TMEFF2: variants seen among roughly 807,000 people sequenced by gnomAD.
The protein encoded by TMEFF2 is tomoregulin-2.
In TMEFF2, 28 loss-of-function variants were observed where a neutral mutation model predicts 53.8. That is an observed-to-expected ratio of 0.52 (90% CI 0.39 to 0.71). The LOEUF (loss-of-function observed/expected upper bound fraction) is 0.71. Ranked by LOEUF, TMEFF2 falls within the 30% of genes least tolerant of loss-of-function variation. The pLI is 0.00. For missense variants in TMEFF2, 353 were observed against 455.2 expected (o/e 0.78, Z 2.04); for synonymous variants, 162 against 166.3 (o/e 0.97, Z 0.20).
At chr2:192,180,921 T>C (rs779691891) in intron 3 of TMEFF2, among the ~76,000 whole-genome samples, 4 of 151,810 alleles carry the variant, frequency 2.6e-5, no homozygotes, top group Admixed American at 6.6e-5. Flanking sequence ...AATACTATTA[T>C]ATTAGAATGT....
chr2:192,165,221 C>A (rs1341947249), intron 4 of TMEFF2, among the ~76,000 whole-genome samples: 1 of 152,054 alleles, frequency 6.6e-6, no homozygotes, highest in Non-Finnish European at 1.5e-5. Context: ...TAACAGACTA[C>A]ACATAAAGAC....
intron 8 of TMEFF2, among the ~76,000 whole-genome samples, chr2:191,954,194 A>G (rs983127866): frequency 3.9e-5 from 6 of 152,014 alleles, no homozygotes; most frequent in African/African-American, 1.4e-4. Flanking sequence ...GCCTGCATTC[A>G]TTTTTATAGT....
At chr2:192,007,952 T>C (rs1487275002) in intron 5 of TMEFF2, among the ~76,000 whole-genome samples, 1 of 152,190 alleles carries the variant, frequency 6.6e-6, no homozygotes, top group Non-Finnish European at 1.5e-5. Context: ...TCTTTCCTGC[T>C]TTTTTCCTGA....
intron 4 of TMEFF2, among the ~76,000 whole-genome samples, chr2:192,078,500 A>T (rs1688483569): frequency 6.6e-6 from 1 of 152,148 alleles, no homozygotes; most frequent in South Asian, 2.1e-4. Context: ...AGCAATAGAG[A>T]GTAAGAATTT....
intron 7 of TMEFF2, among the ~76,000 whole-genome samples, chr2:191,977,194 C>CA (rs1244895834): frequency 1.3e-5 from 2 of 152,284 alleles, no homozygotes; most frequent in East Asian, 3.9e-4. Flanking sequence ...CCAATAGACA[C>CA]AAAAAACTTA....
intron 7 of TMEFF2, among the ~76,000 whole-genome samples, chr2:191,982,070 G>A (rs1041147177): frequency 1.1e-4 from 16 of 152,078 alleles, no homozygotes; most frequent in South Asian, 4.1e-4. Context: ...GGCCAGCAAC[G>A]TTGACTACAG....
chr2:191,999,047 G>T lies in TMEFF2; in HGVS notation c.685+13C>A. Reference sequence around the variant, plus strand: ...AAATCATTCTTTGAAATGAATTTTGGTATGAACATTACCTTGACATCGACC... The same window carrying T: ...AAATCATTCTTTGAAATGAATTTTGTTATGAACATTACCTTGACATCGACC... On this transcript the variant is annotated intron_variant, in intron 6 of 9. Transcript: ENST00000272771. 6.3e-7 allele frequency: 1 copy of T among 1,582,884 alleles called. No individual in the cohort carries two copies.
At chr2:192,102,197 A>G (rs1559126960) in intron 4 of TMEFF2, among the ~76,000 whole-genome samples, 1 of 152,182 alleles carries the variant, frequency 6.6e-6, no homozygotes, top group South Asian at 2.1e-4. Context: ...TAAAAAAGAA[A>G]AACAAAAAAA....
chr2:191,990,611 A>G (rs1686081042), intron 7 of TMEFF2, among the ~76,000 whole-genome samples: 1 of 152,100 alleles, frequency 6.6e-6, no homozygotes, highest in South Asian at 2.1e-4. Flanking sequence ...AGGTAAAAAG[A>G]TAAATTAAGG....
chr2:192,150,827 C>G (rs1463265632), intron 4 of TMEFF2, among the ~76,000 whole-genome samples: 1 of 119,744 alleles, frequency 8.4e-6, no homozygotes, highest in African/African-American at 2.9e-5. Context: ...TTTAGCATGT[C>G]AAGTTTACAT....
At chr2:192,166,963 C>T (rs1420673425) in intron 4 of TMEFF2, among the ~76,000 whole-genome samples, 2 of 152,002 alleles carry the variant, frequency 1.3e-5, no homozygotes, top group Admixed American at 6.6e-5. Flanking sequence ...TCAGAAAAAT[C>T]CTGGGCAAAC....
At chr2:192,023,757 A>G (rs1382371181) in intron 5 of TMEFF2, among the ~76,000 whole-genome samples, 2 of 152,110 alleles carry the variant, frequency 1.3e-5, no homozygotes, top group Non-Finnish European at 2.9e-5. Flanking sequence ...TCAGACACAG[A>G]ATTAAACTGG....
rs7606228 is a variant in TMEFF2, at chr2:192,048,223, C to T, written c.536+9456G>A. 2.7e-3 allele frequency among the ~76,000 whole-genome samples: 410 copies of T among 151,956 alleles called. 2 individuals carry two copies. The highest frequency in any genetic ancestry group is 9.5e-3 in the African/African-American group (392 of 41,448). On this transcript the variant is annotated intron_variant, in intron 5 of 9. Transcript: ENST00000272771. The stretch of plus-strand genomic sequence containing the variant: ...ATCAGAGCTTGGGACACAGAAATTG[C>T]ATTCCAGTATAAATACATTATTCTT...
chr2:192,162,085 T>C (rs1044320936), intron 4 of TMEFF2, among the ~76,000 whole-genome samples: 1 of 152,182 alleles, frequency 6.6e-6, no homozygotes, highest in Non-Finnish European at 1.5e-5. Context: ...AGTTAGCTAA[T>C]CATGATCTTG....
chr2:191,985,223 C>T (rs905286068), intron 7 of TMEFF2, among the ~76,000 whole-genome samples: 1 of 151,934 alleles, frequency 6.6e-6, no homozygotes, highest in African/African-American at 2.4e-5. Context: ...GATGTAGATA[C>T]AATATTTTAC....
intron 5 of TMEFF2, among the ~76,000 whole-genome samples, chr2:192,014,488 C>G (rs1227811848): frequency 6.6e-6 from 1 of 152,144 alleles, no homozygotes; most frequent in East Asian, 1.9e-4. Context: ...GTTAGTTAAT[C>G]TGTACCAATC....
intron 4 of TMEFF2, among the ~76,000 whole-genome samples, chr2:192,104,071 T>G (rs1353741820): frequency 6.6e-6 from 1 of 152,078 alleles, no homozygotes; most frequent in Non-Finnish European, 1.5e-5. Flanking sequence ...AAGCAACCAC[T>G]AAAGCAGGGA....
chr2:192,194,358 C>T lies in TMEFF2; in HGVS notation c.167G>A (p.Cys56Tyr). Residue 56 changes from cysteine to tyrosine, a missense_variant, in exon 1 of 10, where the codon TGC becomes TAC. Around this residue, in one of 3 missense-constraint regions of TMEFF2, gnomAD observed 294 missense variants for 397.3 expected, o/e 0.74. Transcript: ENST00000272771. This position sits in a 1 kb window ranked among gnomAD's most constrained non-coding sequence, Gnocchi z 4.2. The part of the protein sequence containing the change: ...SDCQTPTGWN[C>Y]SGYDDRENDL... ...GACGGGGGTTCTGGACTTACCAGAG[C>T]AATTCCAGCCGGTGGGCGTTTGGCA... is the stretch of plus-strand genomic sequence containing the variant. 6.2e-7 allele frequency: 1 copy of T among 1,614,004 alleles called. No individual in the cohort carries two copies. Among genetic ancestry groups the T allele is most frequent in the Non-Finnish European group, 8.5e-7 (1 of 1,179,928 alleles).
At chr2:192,116,261 T>C (rs1444123983) in intron 4 of TMEFF2, among the ~76,000 whole-genome samples, 1 of 152,006 alleles carries the variant, frequency 6.6e-6, no homozygotes, top group African/African-American at 2.4e-5. Flanking sequence ...TAATCTCATA[T>C]GTGGAATCTA....
Sources: gnomAD v4.1 joint callset for allele counts (sites outside exome capture counted in the v4.1 genomes callset) on GRCh38, gnomAD v4.1.1 for gene constraint, gnomAD v4.1.1 regional missense constraint, Gnocchi (gnomAD v3.1) non-coding constraint, MANE v1.5 for transcripts, NCBI Gene and HGNC (gene_info 2026-07-23, HGNC 2026-07-21) for gene names.